The following LUZP2 variants were observed in gnomAD, a reference collection of about 807,000 sequenced individuals.
LUZP2 encodes the protein leucine zipper protein 2.
Under a neutral mutation model 51.6 loss-of-function variants are expected in LUZP2, and 52 were observed. The ratio of observed to expected loss-of-function variants is 1.01; its 90% CI spans 0.81 to 1.27. The LOEUF (loss-of-function observed/expected upper bound fraction) is 1.27, where lower values mean the gene tolerates loss of function less well. Among genes scored for constraint, LUZP2 ranks in the 50% most tolerant of loss-of-function variants. The pLI is 0.00. For missense variants in LUZP2, 436 were observed against 395.4 expected, an observed-to-expected ratio of 1.10 and a Z score of -0.87; for synonymous variants, 154 against 137.3, an observed-to-expected ratio of 1.12 and a Z score of -0.85.
chr11:24,971,269 G>C (rs931250744), intron 7 of LUZP2, among the ~76,000 whole-genome samples: 4 of 152,106 alleles, frequency 2.6e-5, no homozygotes, highest in Non-Finnish European at 5.9e-5. Context: ...TTTGTCACTA[G>C]ATTCTCATAA....
chr11:24,906,230 A>G (rs1277430036), intron 6 of LUZP2, among the ~76,000 whole-genome samples, 177 bp downstream of exon 6: 2 of 151,870 alleles, frequency 1.3e-5, no homozygotes, highest in African/African-American at 2.4e-5. Context: ...TAACATTGCA[A>G]TAGCCAAAAG....
At chr11:24,524,254 A>G (rs2133808057) in intron 1 of LUZP2, among the ~76,000 whole-genome samples, 1 of 151,958 alleles carries the variant, frequency 6.6e-6, no homozygotes, top group South Asian at 2.1e-4. Context: ...AATTCAAGAC[A>G]TAATCAACTG....
intron 1 of LUZP2, among the ~76,000 whole-genome samples, chr11:24,665,943 C>T (rs2133991726): frequency 6.6e-6 from 1 of 152,214 alleles, no homozygotes; most frequent in Admixed American, 6.5e-5. Flanking sequence ...TTTACTACTA[C>T]ATGTATGTAA....
At chr11:24,591,899 G>A (rs1300464824) in intron 1 of LUZP2, among the ~76,000 whole-genome samples, 2 of 134,322 alleles carry the variant, frequency 1.5e-5, no homozygotes, top group Admixed American at 1.6e-4. Flanking sequence ...AGCAATTATT[G>A]TCCAAGGTAT....
At chr11:24,718,517 A>C (rs1359909834) in intron 1 of LUZP2, among the ~76,000 whole-genome samples, 1 of 152,208 alleles carries the variant, frequency 6.6e-6, no homozygotes, top group African/African-American at 2.4e-5. Context: ...TATGGCAAGG[A>C]CAGTATTTTG....
intron 7 of LUZP2, among the ~76,000 whole-genome samples, chr11:24,939,651 G>A (rs919835400): frequency 3.9e-5 from 6 of 152,088 alleles, no homozygotes; most frequent in African/African-American, 1.2e-4. Context: ...ATTTGGACAC[G>A]AATCACTATT....
chr11:24,705,376 A>T (rs12790301), intron 1 of LUZP2, among the ~76,000 whole-genome samples: 1 of 152,006 alleles, frequency 6.6e-6, no homozygotes, highest in South Asian at 2.1e-4. Context: ...GGTAGAAAAC[A>T]AAATCAATCG....
chr11:24,497,937 C>T (rs1849877187), intron 1 of LUZP2, among the ~76,000 whole-genome samples: 1 of 152,190 alleles, frequency 6.6e-6, no homozygotes. Flanking sequence ...AGTGCTGATG[C>T]AGAGACCCTA....
intron 9 of LUZP2, among the ~76,000 whole-genome samples, chr11:24,998,895 TAAATTTTAAAACTATTTTAAAATAGTTTA>T (rs1258537492): frequency 2.0e-5 from 3 of 152,194 alleles, no homozygotes; most frequent in Non-Finnish European, 1.5e-5. Context: ...AGTTACTTCA[TAAATTTTAAAACTATTTTAAAATAGTTTA>T]AAATTTTAAA....
chr11:24,773,452 G>C (rs912550951), intron 5 of LUZP2, among the ~76,000 whole-genome samples: 2 of 152,160 alleles, frequency 1.3e-5, no homozygotes, highest in Non-Finnish European at 2.9e-5. Flanking sequence ...TACATTCCTA[G>C]AGAGGTGTGG....
chr11:24,814,374 C>T (rs2134142431), intron 5 of LUZP2, among the ~76,000 whole-genome samples: 1 of 151,980 alleles, frequency 6.6e-6, no homozygotes, highest in Non-Finnish European at 1.5e-5. Flanking sequence ...GTGGTTTCTA[C>T]CACTAAAAAA....
intron 1 of LUZP2, among the ~76,000 whole-genome samples, chr11:24,562,856 C>A: frequency 1.9e-5 from 2 of 107,468 alleles, no homozygotes; most frequent in African/African-American, 6.6e-5. Flanking sequence ...AGTGAGACTC[C>A]ATCTCTCAAA....
At chr11:24,844,214 C>CA in intron 5 of LUZP2, among the ~76,000 whole-genome samples, 1 of 152,122 alleles carries the variant, frequency 6.6e-6, no homozygotes, top group Non-Finnish European at 1.5e-5. Context: ...CAATGAAATC[C>CA]AGGCTGAGGT....
intron 5 of LUZP2, among the ~76,000 whole-genome samples, chr11:24,880,745 T>C (rs78249818): frequency 0.038 from 5,735 of 152,186 alleles, 346 homozygotes; most frequent in African/African-American, 0.13. Context: ...AGAATGTGTG[T>C]GTGTGTGTGT....
At chr11:24,741,319 A>G (rs963495649) in intron 4 of LUZP2, among the ~76,000 whole-genome samples, 1 of 152,022 alleles carries the variant, frequency 6.6e-6, no homozygotes, top group African/African-American at 2.4e-5. Flanking sequence ...TGATATTTTT[A>G]CTGTTATTAA....
At position 24,691,542 on chromosome 11, in the gene LUZP2, TAGAC is replaced by T. The variant is rs1857066674; in HGVS notation, c.63-37623_63-37620del. ...ACCAAATCTGGACTTGCTCCTAAAA[TAGAC>T]AGATAGGAAGGTAAAGTAAGTGTCT... On this transcript the variant is annotated intron_variant, in intron 1 of 11. Coordinates refer to ENST00000336930, the MANE Select transcript of LUZP2 (RefSeq NM_001009909.4). Among the ~76,000 whole-genome samples, 18 of 151,010 alleles carry T rather than the reference TAGAC, an allele frequency of 1.2e-4. 1 individual carries two copies. The South Asian group carries it at 3.8e-3, about 32-fold the overall frequency.
chr11:25,033,821 A>G (rs1857772722), intron 9 of LUZP2, among the ~76,000 whole-genome samples: 1 of 152,040 alleles, frequency 6.6e-6, no homozygotes, highest in Admixed American at 6.6e-5. Context: ...GATCCAATCC[A>G]CCATTGAAAA....
chr11:24,670,367 G>A (rs905953403), intron 1 of LUZP2, among the ~76,000 whole-genome samples: 2 of 151,998 alleles, frequency 1.3e-5, no homozygotes, highest in South Asian at 4.1e-4. Context: ...ACCCTAGAAT[G>A]TTGTCATTCC....
intron 5 of LUZP2, among the ~76,000 whole-genome samples, chr11:24,881,315 CAA>C (rs3078893): frequency 1.8e-4 from 23 of 127,756 alleles, no homozygotes; most frequent in African/African-American, 4.4e-4. Flanking sequence ...GAGTAATTGC[CAA>C]AAAAAAAAAA....
Sources: gnomAD v4.1 joint callset for allele counts (sites outside exome capture counted in the v4.1 genomes callset) on GRCh38, gnomAD v4.1.1 for gene constraint, MANE v1.5 for transcripts, NCBI Gene and HGNC (gene_info 2026-07-23, HGNC 2026-07-21) for gene names.